IGF1R: variants seen among roughly 807,000 people sequenced by gnomAD.
IGF1R encodes the protein insulin-like growth factor 1 receptor.
Under a neutral mutation model 144.6 loss-of-function variants are expected in IGF1R, and 44 were observed. That is an observed-to-expected ratio of 0.30 (90% CI 0.24 to 0.39). The LOEUF (loss-of-function observed/expected upper bound fraction) is 0.39, where lower values mean the gene tolerates loss of function less well. IGF1R is among the 10% of genes least tolerant of loss of function. IGF1R has a pLI of 1.00. For missense variants in IGF1R, 1,355 were observed against 1,833.7 expected (o/e 0.74, Z 4.77); for synonymous variants, 795 against 722.8 (o/e 1.10, Z -1.60).
Position 98,707,358 on chromosome 15 carries a change from A to C in IGF1R, c.95-204A>C. Among the ~76,000 whole-genome samples, 1 of 152,218 alleles carries C rather than the reference A, an allele frequency of 6.6e-6. No homozygotes were observed. The highest frequency in any genetic ancestry group is 1.9e-4 in the East Asian group (1 of 5,198). On this transcript the variant is annotated intron_variant, in intron 1 of 20. Transcript: ENST00000650285. This position sits in a 1 kb window ranked among gnomAD's most constrained non-coding sequence, Gnocchi z 6.7. ...GAGTGTGTTGCACAGCGTCTGGTCC[A>C]GTGTTGGCACTGTATAAATGCCAGC...
chr15:98,851,643 G>C (rs1037088450), intron 2 of IGF1R, among the ~76,000 whole-genome samples: 6 of 152,162 alleles, frequency 3.9e-5, no homozygotes, highest in Non-Finnish European at 7.3e-5. Context: ...AGCACTTCCC[G>C]CTGGAAGCTG....
chr15:98,957,404 G>C lies in IGF1R; in HGVS notation c.4066G>C (p.Glu1356Gln). The C allele has an allele frequency of 6.2e-7, 1 of 1,613,266 alleles. No individual in the cohort carries two copies. Among genetic ancestry groups the C allele is most frequent in the Non-Finnish European group, 8.5e-7 (1 of 1,180,042 alleles). Residue 1356 changes from glutamate to glutamine, a missense_variant, in exon 21 of 21, where the codon GAG becomes CAG. Physicochemically the swap from Glu to Gln is conservative, Grantham distance 29. Transcript: ENST00000650285. ...CCACATGAACGGGGGCCGCAAGAAC[G>C]AGCGGGCCTTGCCGCTGCCCCAGTC... ...YAHMNGGRKN[E>Q]RALPLPQSST...
intron 2 of IGF1R, among the ~76,000 whole-genome samples, chr15:98,732,450 G>A (rs766141400): frequency 2.0e-4 from 30 of 152,342 alleles, no homozygotes; most frequent in Non-Finnish European, 3.4e-4. Flanking sequence ...GGTGAAGCAG[G>A]GCAGTGCCAC....
chr15:98,939,104 C>G (rs961096158), intron 17 of IGF1R, 97 bp from the exon 18 acceptor site: 24 of 1,003,082 alleles, frequency 2.4e-5, no homozygotes, highest in Non-Finnish European at 3.4e-5. Flanking sequence ...CCCACGGTGC[C>G]CAGATTGAAC....
intron 2 of IGF1R, among the ~76,000 whole-genome samples, chr15:98,760,440 A>G (rs2055266432): frequency 6.6e-6 from 1 of 152,236 alleles, no homozygotes; most frequent in African/African-American, 2.4e-5. Context: ...ACTGAATGCA[A>G]AATCTTTTTA....
intron 1 of IGF1R, among the ~76,000 whole-genome samples, chr15:98,673,365 T>G (rs1228894188): frequency 6.6e-6 from 1 of 152,234 alleles, no homozygotes; most frequent in South Asian, 2.1e-4. Context: ...AGTAAATAGA[T>G]GATCATTCTC....
At chr15:98,897,486 C>T in intron 4 of IGF1R, 1 of 154,326 alleles carries the variant, frequency 6.5e-6, no homozygotes, top group Non-Finnish European at 1.4e-5. Flanking sequence ...GATGGCATTC[C>T]TGGTAAGTTG....
chr15:98,736,355 T>C (rs2054608180), intron 2 of IGF1R, among the ~76,000 whole-genome samples: 1 of 152,202 alleles, frequency 6.6e-6, no homozygotes, highest in Non-Finnish European at 1.5e-5. Context: ...CCTAAAAGCT[T>C]GGATAATAAA....
chr15:98,845,518 T>C (rs1169812874), intron 2 of IGF1R, among the ~76,000 whole-genome samples: 2 of 120,506 alleles, frequency 1.7e-5, no homozygotes, highest in East Asian at 2.8e-4. Flanking sequence ...TCCTCCTCCT[T>C]CCTCCTCCCC....
At chr15:98,660,528 G>A (rs1282740981) in intron 1 of IGF1R, 1 of 152,162 alleles carries the variant, frequency 6.6e-6, no homozygotes, top group Non-Finnish European at 1.5e-5. Context: ...TTCTTAAAGG[G>A]ATACTCGCCA....
At chr15:98,686,957 A>G (rs1021709614) in intron 1 of IGF1R, among the ~76,000 whole-genome samples, 1 of 152,208 alleles carries the variant, frequency 6.6e-6, no homozygotes, top group African/African-American at 2.4e-5. Flanking sequence ...GGCGTGAGCC[A>G]CTGCACCTGG....
At chr15:98,660,954 G>A (rs2052584801) in intron 1 of IGF1R, among the ~76,000 whole-genome samples, 1 of 152,162 alleles carries the variant, frequency 6.6e-6, no homozygotes, top group Non-Finnish European at 1.5e-5. Flanking sequence ...GGTGCAGAGG[G>A]CCAGGGTGGC....
chr15:98,670,128 G>A (rs2052851006), intron 1 of IGF1R, among the ~76,000 whole-genome samples: 1 of 152,246 alleles, frequency 6.6e-6, no homozygotes, highest in East Asian at 1.9e-4. Flanking sequence ...TGCAGCCCCT[G>A]TTTTAAAAAG....
At chr15:98,854,735 G>A (rs1231734144) in intron 2 of IGF1R, among the ~76,000 whole-genome samples, 1 of 152,164 alleles carries the variant, frequency 6.6e-6, no homozygotes, top group Non-Finnish European at 1.5e-5. Flanking sequence ...CAGATAAGTC[G>A]GGGGAATAGA....
intron 1 of IGF1R, among the ~76,000 whole-genome samples, chr15:98,661,977 TTTTTTGA>T (rs2052611834): frequency 7.9e-6 from 1 of 126,710 alleles, no homozygotes; most frequent in Non-Finnish European, 1.6e-5. Flanking sequence ...TTTTTTTTTT[TTTTTTGA>T]GACAGTCTTG....
At chr15:98,936,163 G>A (rs757710022) in intron 17 of IGF1R, among the ~76,000 whole-genome samples, 17 of 152,176 alleles carry the variant, frequency 1.1e-4, no homozygotes, top group Non-Finnish European at 2.2e-4. Flanking sequence ...CTACGTCCAC[G>A]TTTCAGGATT....
chr15:98,914,667 T>G (rs944013991), intron 8 of IGF1R, among the ~76,000 whole-genome samples: 4 of 152,206 alleles, frequency 2.6e-5, no homozygotes, highest in Non-Finnish European at 4.4e-5. Context: ...CATAGGAATA[T>G]CTGCTTATTG....
intron 1 of IGF1R, among the ~76,000 whole-genome samples, chr15:98,673,905 T>C (rs781680885): frequency 6.6e-6 from 1 of 152,262 alleles, no homozygotes; most frequent in Non-Finnish European, 1.5e-5. Flanking sequence ...CAGTGAACTT[T>C]CCACTGTGGT....
At chr15:98,708,516 T>C (rs555932540) in intron 2 of IGF1R, among the ~76,000 whole-genome samples, 3 of 152,232 alleles carry the variant, frequency 2.0e-5, no homozygotes, top group Non-Finnish European at 4.4e-5. Flanking sequence ...TTTCATCCTT[T>C]GTGCGAAGTG....
Sources: gnomAD v4.1 joint callset for allele counts (sites outside exome capture counted in the v4.1 genomes callset) on GRCh38, gnomAD v4.1.1 for gene constraint, Gnocchi (gnomAD v3.1) non-coding constraint, MANE v1.5 for transcripts, NCBI Gene and HGNC (gene_info 2026-07-23, HGNC 2026-07-21) for gene names.